The following ADAMTSL1 variants were observed in gnomAD, a reference collection of about 807,000 sequenced individuals.
ADAMTSL1 encodes ADAMTS like 1.
A neutral mutation model predicts 201.8 loss-of-function variants in ADAMTSL1; 126 were observed. That is an observed-to-expected ratio of 0.62 (90% CI 0.54 to 0.72). ADAMTSL1 has a LOEUF of 0.72. Among genes scored for constraint, ADAMTSL1 ranks in the 30% least tolerant of loss-of-function variants. ADAMTSL1 has a pLI of 0.00. For missense variants in ADAMTSL1, 2,679 were observed against 2,277.8 expected (o/e 1.18, Z -3.59); for synonymous variants, 1,121 against 903.4 (o/e 1.24, Z -4.32).
At chr9:18,191,147 G>C (rs1369283741) in intron 2 of ADAMTSL1, among the ~76,000 whole-genome samples, 1 of 152,152 alleles carries the variant, frequency 6.6e-6, no homozygotes, top group East Asian at 1.9e-4. Context: ...ATGCTTATGA[G>C]CAGGCCTAGA....
intron 14 of ADAMTSL1, among the ~76,000 whole-genome samples, chr9:18,713,421 G>T (rs1832729444): frequency 6.6e-6 from 1 of 151,944 alleles, no homozygotes; most frequent in Non-Finnish European, 1.5e-5. Flanking sequence ...CAAGCAAGTG[G>T]AAAACAAAAA....
rs1161791093 is a variant in ADAMTSL1 at position 18,739,163 on chromosome 9, T to C, written c.2007-14135T>C. 2.6e-5 allele frequency among the ~76,000 whole-genome samples: 4 copies of C among 152,204 alleles called. No homozygotes were observed. In the East Asian group the frequency reaches 5.8e-4, roughly 22 times the overall value. On this transcript the variant is annotated intron_variant, in intron 15 of 28. Coordinates refer to ENST00000380548, the MANE Select transcript of ADAMTSL1 (RefSeq NM_001040272.6). ...AGTTCTTACAGCAGTACCCAGCACA[T>C]AGCAAGCACCCAATAACTACTGGAA...
At position 17,925,553 on chromosome 9, in the gene ADAMTSL1, T is replaced by C. The variant is rs866533364; in HGVS notation, c.87+18631T>C. ...AAAAATGATGAGTTCATGTCCTTTG[T>C]AGGGACATGGATGACATTGGAAATC... On this transcript the variant is annotated intron_variant, in intron 1 of 29. Coordinates refer to the ADAMTSL1 transcript ENST00000680146. Among the ~76,000 whole-genome samples the C allele has an allele frequency of 1.3e-4, 14 of 110,172 alleles. 1 individual carries two copies. The highest frequency in any genetic ancestry group is 1.9e-4 in the Non-Finnish European group (10 of 51,488). 72.3% of individuals were successfully genotyped at this position (110,172 alleles called of 152,430 possible).
chr9:18,230,109 A>G (rs1175784931), intron 2 of ADAMTSL1, among the ~76,000 whole-genome samples: 2 of 152,186 alleles, frequency 1.3e-5, no homozygotes, highest in African/African-American at 4.8e-5. Context: ...TTGCCTGGTG[A>G]AAACAAACAA....
chr9:18,181,847 T>G (rs552433812), intron 2 of ADAMTSL1, among the ~76,000 whole-genome samples: 13 of 152,254 alleles, frequency 8.5e-5, no homozygotes, highest in East Asian at 3.9e-4. Context: ...CGTATGTTTA[T>G]TGCGGCATTA....
At position 18,259,249 on chromosome 9, in the gene ADAMTSL1, T is replaced by A. The variant is rs186166755; in HGVS notation, c.207+95268T>A. 2.1e-3 allele frequency among the ~76,000 whole-genome samples: 322 copies of A among 152,246 alleles called. 3 individuals carry two copies. Among genetic ancestry groups the A allele is most frequent in the African/African-American group, 7.6e-3 (315 of 41,552 alleles). ...AAGGCCCATATAGCCAACCACCTAC[T>A]ACCCATCTTAGTTAAATTCCTCATC... On this transcript the variant is annotated intron_variant, in intron 2 of 29. Coordinates refer to the ADAMTSL1 transcript ENST00000680146.
chr9:18,342,177 CT>C (rs563923070), intron 2 of ADAMTSL1, among the ~76,000 whole-genome samples: 267 of 152,244 alleles, frequency 1.8e-3, no homozygotes, highest in African/African-American at 6.1e-3. Context: ...GGGCTAGTCC[CT>C]GATTCGTAGA....
chr9:17,937,256 A>G (rs1399911894), intron 1 of ADAMTSL1, among the ~76,000 whole-genome samples: 1 of 152,142 alleles, frequency 6.6e-6, no homozygotes, highest in Admixed American at 6.6e-5. Context: ...TGTTGGCCTG[A>G]TCATTCATCC....
chr9:18,172,238 G>A (rs1480099325), intron 2 of ADAMTSL1, among the ~76,000 whole-genome samples: 9 of 151,588 alleles, frequency 5.9e-5, no homozygotes, highest in Non-Finnish European at 1.5e-5. Flanking sequence ...TAACAAACCT[G>A]CACGTTCTAC....
chr9:18,817,798 G>C (rs1414735476), intron 21 of ADAMTSL1, among the ~76,000 whole-genome samples: 1 of 152,236 alleles, frequency 6.6e-6, no homozygotes, highest in Non-Finnish European at 1.5e-5. Flanking sequence ...TCAGGGCAGT[G>C]AGGATGGGAA....
In ADAMTSL1 at chr9:18,743,301, G is replaced by A. The variant is rs55804744; in HGVS notation, c.2007-9997G>A. ...TTGGACCTAGTTTTGGTGTTATTCT[G>A]CTATTTGCCATGTTCTGTAAAGGAA... is the stretch of plus-strand genomic sequence containing the variant. On this transcript the variant is annotated intron_variant, in intron 15 of 28. Coordinates refer to ENST00000380548, the MANE Select transcript of ADAMTSL1 (RefSeq NM_001040272.6). 2.4e-3 allele frequency among the ~76,000 whole-genome samples: 364 copies of A among 152,224 alleles called. 1 individual carries two copies. The highest frequency in any genetic ancestry group is 3.8e-3 in the Non-Finnish European group (256 of 67,998).
chr9:18,540,444 TTC>T (rs1021980435), intron 3 of ADAMTSL1, among the ~76,000 whole-genome samples: 5 of 152,148 alleles, frequency 3.3e-5, no homozygotes, highest in African/African-American at 1.2e-4. Flanking sequence ...GGTCAGGAAA[TTC>T]TCTCTGAGTT....
At chr9:18,495,447 C>T (rs1002593401) in intron 1 of ADAMTSL1, among the ~76,000 whole-genome samples, 1 of 152,114 alleles carries the variant, frequency 6.6e-6, no homozygotes, top group South Asian at 2.1e-4. Flanking sequence ...CCATCTCTAC[C>T]TTACATGGTT....
At position 18,310,038 on chromosome 9, in the gene ADAMTSL1, C is replaced by A. The variant is rs368999100; in HGVS notation, c.207+146057C>A. Among the ~76,000 whole-genome samples the A allele has an allele frequency of 4.1e-3, 628 of 152,206 alleles. 5 individuals are homozygous for A. Among genetic ancestry groups the A allele is most frequent in the African/African-American group, 0.015 (603 of 41,536 alleles). On this transcript the variant is annotated intron_variant, in intron 2 of 29. Coordinates refer to the ADAMTSL1 transcript ENST00000680146. ...AGGCCTCAGAAATACTGCCACACATCTACAACCATCTGATCTTTAACAAAC... is the reference window on the plus strand; with the variant it reads ...AGGCCTCAGAAATACTGCCACACATATACAACCATCTGATCTTTAACAAAC...
At chr9:18,882,995 A>G (rs1488824783) in intron 23 of ADAMTSL1, among the ~76,000 whole-genome samples, 1 of 142,704 alleles carries the variant, frequency 7.0e-6, no homozygotes, top group Non-Finnish European at 1.6e-5. Flanking sequence ...CTGCCTCAAA[A>G]AAAAAAAAAA....
At chr9:17,971,527 C>G (rs1024144523) in intron 1 of ADAMTSL1, among the ~76,000 whole-genome samples, 12 of 151,864 alleles carry the variant, frequency 7.9e-5, no homozygotes, top group Admixed American at 4.6e-4. Flanking sequence ...AAACGTTTCA[C>G]AGAGAGAACA....
chr9:18,785,208 T>A (rs948503197), intron 19 of ADAMTSL1, among the ~76,000 whole-genome samples: 21 of 151,938 alleles, frequency 1.4e-4, no homozygotes, highest in African/African-American at 5.1e-4. Context: ...TCCAAGGCAG[T>A]CTGGCTTTTG....
chr9:18,664,338 A>T (rs1198374297), intron 9 of ADAMTSL1, among the ~76,000 whole-genome samples: 1 of 152,050 alleles, frequency 6.6e-6, no homozygotes, highest in Non-Finnish European at 1.5e-5. Context: ...CAGAAAATAG[A>T]TCTGCTCTTC....
At chr9:18,129,405 A>T (rs1825859978) in intron 1 of ADAMTSL1, among the ~76,000 whole-genome samples, 1 of 152,164 alleles carries the variant, frequency 6.6e-6, no homozygotes, top group Non-Finnish European at 1.5e-5. Flanking sequence ...TCAAGGTCAC[A>T]TGGTTTGTTG....
Sources: gnomAD v4.1 joint callset for allele counts (sites outside exome capture counted in the v4.1 genomes callset) on GRCh38, gnomAD v4.1.1 for gene constraint, MANE v1.5 for transcripts, NCBI Gene and HGNC (gene_info 2026-07-23, HGNC 2026-07-21) for gene names.